Variants in KIAA1549L observed in about 807,000 individuals in gnomAD.
The protein encoded by KIAA1549L is UPF0606 protein KIAA1549L.
Under a neutral mutation model 160.7 loss-of-function variants are expected in KIAA1549L, and 88 were observed. The observed-to-expected ratio is 0.55, with a 90% CI of 0.46 to 0.65. KIAA1549L has a LOEUF of 0.65. Among genes scored for constraint, KIAA1549L ranks in the 30% least tolerant of loss-of-function variants. The probability of loss-of-function intolerance (pLI) is 0.00; values close to 1 mark genes in which losing one functional copy is unlikely to be tolerated. For missense variants in KIAA1549L, 2,258 were observed against 2,437.5 expected, an observed-to-expected ratio of 0.93 and a Z score of 1.55; for synonymous variants, 950 against 976.7, an observed-to-expected ratio of 0.97 and a Z score of 0.51.
In KIAA1549L at chr11:33,507,843, A is replaced by G. The variant is rs115588133; in HGVS notation, c.239-33959A>G. 4.8e-3 allele frequency among the ~76,000 whole-genome samples: 734 copies of G among 152,342 alleles called. 8 individuals carry two copies. Among genetic ancestry groups the G allele is most frequent in the African/African-American group, 0.016 (676 of 41,572 alleles). On this transcript the variant is annotated intron_variant, in intron 1 of 20. Coordinates refer to ENST00000658780, the MANE Select transcript of KIAA1549L (RefSeq NM_012194.3). ...CTCTGTTAGGGTTCGATTGCAGACA[A>G]TTGAATTCACTCTAGCTAGTTTATG...
intron 1 of KIAA1549L, among the ~76,000 whole-genome samples, chr11:33,399,623 G>A (rs1205568428): frequency 6.6e-6 from 1 of 152,174 alleles, no homozygotes; most frequent in African/African-American, 2.4e-5. Context: ...GAATCCCCCA[G>A]CTCTGCCCGC....
chr11:33,604,569 G>A (rs747040591), intron 13 of KIAA1549L, among the ~76,000 whole-genome samples: 3 of 152,044 alleles, frequency 2.0e-5, no homozygotes, highest in Non-Finnish European at 4.4e-5. Context: ...AGTGCCCATC[G>A]ACCAATAAAG....
chr11:33,589,227 G>A (rs1362155760), intron 11 of KIAA1549L, among the ~76,000 whole-genome samples: 2 of 152,196 alleles, frequency 1.3e-5, no homozygotes, highest in East Asian at 3.9e-4. Flanking sequence ...TCTCACACCA[G>A]TTAGAATGGC....
chr11:33,514,431 T>C lies in KIAA1549L; in HGVS notation c.239-27371T>C, dbSNP rs1251915336. 7.2e-5 allele frequency among the ~76,000 whole-genome samples: 11 copies of C among 152,158 alleles called. 1 individual carries two copies. The East Asian group carries it at 2.1e-3, about 29-fold the overall frequency. On this transcript the variant is annotated intron_variant, in intron 1 of 20. Coordinates refer to ENST00000658780, the MANE Select transcript of KIAA1549L (RefSeq NM_012194.3). ...CATGCTTGGTGACATCTCCACAGGG[T>C]TTTCCATCAACATTTTCATTTTCTG...
chr11:33,530,436 A>AT (rs1422236534), intron 1 of KIAA1549L, among the ~76,000 whole-genome samples: 2 of 11,850 alleles, frequency 1.7e-4, no homozygotes, highest in Non-Finnish European at 2.8e-4. Flanking sequence ...AAAAAAAAAA[A>AT]ATATATATAT....
chr11:33,518,527 C>T (rs1853408712), intron 1 of KIAA1549L, among the ~76,000 whole-genome samples: 2 of 152,178 alleles, frequency 1.3e-5, no homozygotes, highest in African/African-American at 4.8e-5. Context: ...TTGTGTTCAT[C>T]TGTTCTTTTA....
intron 1 of KIAA1549L, among the ~76,000 whole-genome samples, chr11:33,464,471 T>C (rs1852002989): frequency 7.1e-6 from 1 of 141,640 alleles, no homozygotes; most frequent in Non-Finnish European, 1.5e-5. Context: ...GAGCTGTGTG[T>C]GCATGTGTGT....
chr11:33,434,508 A>C (rs1279441506), intron 1 of KIAA1549L, among the ~76,000 whole-genome samples: 1 of 152,208 alleles, frequency 6.6e-6, no homozygotes, highest in Non-Finnish European at 1.5e-5. Flanking sequence ...CCATGTGGAC[A>C]TATGTCCGTT....
At chr11:33,660,761 C>A in intron 19 of KIAA1549L, 102 bp from the exon 20 acceptor site, 1 of 1,143,536 alleles carries the variant, frequency 8.7e-7, no homozygotes, top group Non-Finnish European at 1.3e-6. Context: ...AATCCAGCAG[C>A]CAGCCAGGGA....
chr11:33,414,274 C>T (rs1211132205), intron 1 of KIAA1549L, among the ~76,000 whole-genome samples: 3 of 152,060 alleles, frequency 2.0e-5, no homozygotes, highest in African/African-American at 4.8e-5. Flanking sequence ...GGATCTAGCA[C>T]GAAGTATATA....
chr11:33,427,391 C>T (rs1851140279), intron 1 of KIAA1549L, among the ~76,000 whole-genome samples: 1 of 152,172 alleles, frequency 6.6e-6, no homozygotes, highest in African/African-American at 2.4e-5. Flanking sequence ...GGTCCTCCTG[C>T]CAGCAGTTCC....
Position 33,542,902 on chromosome 11 carries a change from C to G in KIAA1549L, c.1339C>G (p.Pro447Ala). The change falls in exon 2 of 21, where the codon CCG (proline) becomes GCG (alanine). Residue 447 changes from proline to alanine, a missense_variant. By Grantham distance (27) the Pro-to-Ala change is conservative. Around this residue, in one of 6 missense-constraint regions of KIAA1549L, gnomAD observed 540 missense variants for 465.7 expected, o/e 1.16. Coordinates refer to ENST00000658780, the MANE Select transcript of KIAA1549L (RefSeq NM_012194.3). ...TGCCACTGCAAATGACTCTGCTAAC[C>G]CGCTGCATTTGTCAGCAGCTCCAGA... ...ASATANDSAN[P>A]LHLSAAPENS... The G allele has an allele frequency of 6.2e-7, 1 of 1,614,046 alleles. No homozygotes were observed. The highest frequency in any genetic ancestry group is 8.5e-7 in the Non-Finnish European group (1 of 1,179,900).
At chr11:33,523,936 ATTG>A (rs1853554925) in intron 1 of KIAA1549L, among the ~76,000 whole-genome samples, 1 of 151,924 alleles carries the variant, frequency 6.6e-6, no homozygotes, top group Non-Finnish European at 1.5e-5. Flanking sequence ...TATTTTGATC[ATTG>A]TTTTATTTAT....
At chr11:33,618,508 A>G (rs199614001) in intron 15 of KIAA1549L, 25 bp from the exon 16 acceptor site, 30 of 1,591,528 alleles carry the variant, frequency 1.9e-5, no homozygotes, top group African/African-American at 2.7e-5. Flanking sequence ...TTGCTGCATC[A>G]TAACAGTTGT....
chr11:33,467,888 G>GAAAA (rs1565149198), intron 1 of KIAA1549L, among the ~76,000 whole-genome samples: 49 of 152,252 alleles, frequency 3.2e-4, no homozygotes, highest in African/African-American at 1.1e-3. Context: ...AAAAAAGAAA[G>GAAAA]AGAAAAAGAA....
At chr11:33,627,727 A>G (rs1250846707) in intron 16 of KIAA1549L, among the ~76,000 whole-genome samples, 1 of 152,124 alleles carries the variant, frequency 6.6e-6, no homozygotes, top group Non-Finnish European at 1.5e-5. Flanking sequence ...TGATCCTTTC[A>G]AAAAACCAGC....
intron 1 of KIAA1549L, chr11:33,450,861 T>G (rs1210619247): frequency 1.3e-5 from 2 of 153,076 alleles, no homozygotes; most frequent in African/African-American, 4.8e-5. Context: ...TCAACTGTGA[T>G]GGGCAGGCTA....
chr11:33,416,125 G>A (rs1850884223), intron 1 of KIAA1549L, among the ~76,000 whole-genome samples: 1 of 152,088 alleles, frequency 6.6e-6, no homozygotes, highest in South Asian at 2.1e-4. Flanking sequence ...ACTGTCCTGA[G>A]GCAGGTGACC....
intron 15 of KIAA1549L, among the ~76,000 whole-genome samples, chr11:33,616,867 G>A (rs922715675): frequency 2.6e-5 from 4 of 152,116 alleles, no homozygotes; most frequent in Non-Finnish European, 5.9e-5. Context: ...TGGCGGGCAC[G>A]GAGGCTCACA....
Sources: allele counts gnomAD v4.1 joint callset (sites outside exome capture counted in the v4.1 genomes callset), GRCh38; gene constraint gnomAD v4.1.1; regional missense constraint gnomAD v4.1.1; transcripts MANE v1.5; gene names NCBI Gene and HGNC (gene_info 2026-07-23, HGNC 2026-07-21).